Variants in UVRAG observed in about 807,000 individuals in gnomAD.
UVRAG encodes the protein UV radiation resistance associated.
UVRAG carries 19 observed loss-of-function variants against 78.0 expected under a neutral mutation model. The observed-to-expected ratio is 0.24, with a 90% confidence interval of 0.17 to 0.36. The LOEUF (loss-of-function observed/expected upper bound fraction) is 0.36, where lower values mean the gene tolerates loss of function less well. Ranked by LOEUF, UVRAG falls within the 10% of genes least tolerant of loss-of-function variation. The pLI is 1.00. For missense variants in UVRAG, 740 were observed against 853.8 expected (o/e 0.87, Z 1.66); for synonymous variants, 323 against 324.6 (o/e 1.00, Z 0.05).
intron 8 of UVRAG, among the ~76,000 whole-genome samples, chr11:75,993,646 A>G (rs1318405443): frequency 2.6e-5 from 4 of 152,182 alleles, no homozygotes; most frequent in Non-Finnish European, 4.4e-5. Context: ...AGCTCAAAAA[A>G]TGGTATGAAA....
rs368913080 is a variant in UVRAG at position 75,928,939 on chromosome 11, C to CAAAAAAAAAAA, written c.593+16915_593+16925dup. 1.3e-3 allele frequency among the ~76,000 whole-genome samples: 88 copies of CAAAAAAAAAAA among 67,484 alleles called. 8 individuals carry two copies. Among genetic ancestry groups the CAAAAAAAAAAA allele is most frequent in the African/African-American group, 6.5e-3 (83 of 12,784 alleles). 44.3% of individuals were successfully genotyped at this position (67,484 alleles called of 152,430 possible). On this transcript the variant is annotated intron_variant, in intron 6 of 14. Coordinates refer to ENST00000356136, the MANE Select transcript of UVRAG (RefSeq NM_003369.4). Reference sequence around the variant, plus strand: ...CCTGGGCGACAGAGCGAGACTGTCTCAAAAAAAAAAAAAAAAAAAAAAAAA... The same window carrying CAAAAAAAAAAA: ...CCTGGGCGACAGAGCGAGACTGTCTCAAAAAAAAAAAAAAAAAAAAAAAAAAAAAAAAAAAA...
chr11:75,846,896 T>C (rs1020959449), intron 1 of UVRAG, among the ~76,000 whole-genome samples: 1 of 152,124 alleles, frequency 6.6e-6, no homozygotes, highest in East Asian at 1.9e-4. Flanking sequence ...TGATCTCAGC[T>C]CACTGCAACC....
chr11:75,906,371 G>A (rs368852931), intron 5 of UVRAG, among the ~76,000 whole-genome samples: 21 of 150,904 alleles, frequency 1.4e-4, no homozygotes, highest in African/African-American at 4.4e-4. Flanking sequence ...TTTGGAGATA[G>A]AGTCTCACTC....
intron 1 of UVRAG, among the ~76,000 whole-genome samples, chr11:75,831,443 G>A (rs1945652718): frequency 6.6e-6 from 1 of 151,562 alleles, no homozygotes; most frequent in Non-Finnish European, 1.5e-5. Flanking sequence ...AGCCAAGATC[G>A]CACCATTGCA....
At chr11:76,053,724 A>G (rs1033987487) in intron 12 of UVRAG, among the ~76,000 whole-genome samples, 34 of 152,042 alleles carry the variant, frequency 2.2e-4, no homozygotes, top group Non-Finnish European at 3.4e-4. Context: ...GTAATCCCAG[A>G]ACTTTGGGAG....
At chr11:76,024,500 A>G (rs940027716) in intron 12 of UVRAG, among the ~76,000 whole-genome samples, 17 of 152,168 alleles carry the variant, frequency 1.1e-4, no homozygotes, top group African/African-American at 4.1e-4. Flanking sequence ...TGATTTTGAT[A>G]TATACATTTT....
chr11:75,878,081 G>A (rs1379904239), intron 3 of UVRAG, among the ~76,000 whole-genome samples: 15 of 150,098 alleles, frequency 1.0e-4, no homozygotes, highest in Middle Eastern at 3.5e-3. Context: ...GCTGCCGGGC[G>A]GAGGGGCTCC....
intron 12 of UVRAG, among the ~76,000 whole-genome samples, chr11:76,028,223 G>A (rs1950365754): frequency 6.6e-6 from 1 of 151,956 alleles, no homozygotes; most frequent in African/African-American, 2.4e-5. Context: ...ATATAAGATG[G>A]CAGACTTAAT....
At chr11:76,016,529 G>A (rs1033210999) in intron 11 of UVRAG, among the ~76,000 whole-genome samples, 1 of 152,216 alleles carries the variant, frequency 6.6e-6, no homozygotes. Context: ...GGGAAAGAAA[G>A]CAATGGTTAT....
chr11:75,845,913 A>G (rs926917813), intron 1 of UVRAG, among the ~76,000 whole-genome samples: 1 of 152,210 alleles, frequency 6.6e-6, no homozygotes, highest in Non-Finnish European at 1.5e-5. Context: ...GACATGAAAG[A>G]AAAAGAAAAC....
chr11:75,937,922 T>C (rs1397837838), intron 6 of UVRAG, among the ~76,000 whole-genome samples: 1 of 152,226 alleles, frequency 6.6e-6, no homozygotes, highest in African/African-American at 2.4e-5. Context: ...GCCTTTTATT[T>C]TGTTTTTGTT....
At chr11:75,846,777 C>T (rs1333503973) in intron 1 of UVRAG, among the ~76,000 whole-genome samples, 4 of 152,042 alleles carry the variant, frequency 2.6e-5, no homozygotes, top group Non-Finnish European at 5.9e-5. Flanking sequence ...TACCATCCTG[C>T]CTTGATTACT....
At chr11:76,088,854 C>T (rs559294061) in intron 13 of UVRAG, among the ~76,000 whole-genome samples, 2 of 152,262 alleles carry the variant, frequency 1.3e-5, no homozygotes, top group South Asian at 4.1e-4. Flanking sequence ...AACAAGTAAT[C>T]GATCAAATAT....
chr11:75,999,656 G>C (rs1276383855), intron 8 of UVRAG, among the ~76,000 whole-genome samples: 1 of 152,150 alleles, frequency 6.6e-6, no homozygotes, highest in Non-Finnish European at 1.5e-5. Context: ...TGGGATTACA[G>C]GTGTGAGCCA....
intron 5 of UVRAG, among the ~76,000 whole-genome samples, chr11:75,889,804 C>T (rs895756144): frequency 6.6e-6 from 1 of 152,204 alleles, no homozygotes; most frequent in African/African-American, 2.4e-5. Context: ...GAGGCAAACA[C>T]TGATACAGTA....
chr11:76,007,497 T>A, intron 9 of UVRAG, 37 bp from the exon 10 acceptor site: 2 of 1,472,250 alleles, frequency 1.4e-6, no homozygotes, highest in Non-Finnish European at 1.9e-6. Context: ...TGCAAGCATA[T>A]ATTTTTTAAT....
At chr11:75,960,202 GT>G (rs11302810) in intron 6 of UVRAG, among the ~76,000 whole-genome samples, 17,905 of 138,608 alleles carry the variant, frequency 0.13, 1,693 homozygotes, top group African/African-American at 0.29. Flanking sequence ...CCTTCAATTT[GT>G]TTTTTTTTTT....
At chr11:75,896,292 G>A (rs576212657) in intron 5 of UVRAG, among the ~76,000 whole-genome samples, 135 of 152,284 alleles carry the variant, frequency 8.9e-4, no homozygotes, top group Middle Eastern at 6.8e-3. Context: ...GTGATTAGGG[G>A]AGGATGATAA....
At chr11:75,829,966 C>T (rs1452152370) in intron 1 of UVRAG, among the ~76,000 whole-genome samples, 1 of 152,070 alleles carries the variant, frequency 6.6e-6, no homozygotes, top group Admixed American at 6.5e-5. Context: ...CGGCCTCCCA[C>T]GTAGCTGGGA....
Sources: gnomAD v4.1 joint callset for allele counts (sites outside exome capture counted in the v4.1 genomes callset) on GRCh38, gnomAD v4.1.1 for gene constraint, MANE v1.5 for transcripts, NCBI Gene and HGNC (gene_info 2026-07-23, HGNC 2026-07-21) for gene names.